The following CPM variants were observed in gnomAD, a reference collection of about 807,000 sequenced individuals.
CPM encodes the protein carboxypeptidase M, also known as renal carboxypeptidase.
CPM carries 35 observed loss-of-function variants against 46.4 expected under a neutral mutation model. The ratio of observed to expected loss-of-function variants is 0.75; its 90% CI spans 0.58 to 1.00. CPM has a LOEUF of 1.00. CPM is among the 50% of genes least tolerant of loss of function. CPM has a pLI of 0.00. For synonymous variants in CPM, 195 were observed against 195.3 expected, an observed-to-expected ratio of 1.00 and a Z score of 0.01; for missense variants, 422 against 530.4, an observed-to-expected ratio of 0.80 and a Z score of 2.01.
chr12:68,900,761 A>G (rs1442758649), intron 2 of CPM, among the ~76,000 whole-genome samples: 1 of 152,212 alleles, frequency 6.6e-6, no homozygotes, highest in Non-Finnish European at 1.5e-5. Context: ...TTACTAAGTA[A>G]AAGAAGCCAA....
chr12:68,963,198 A>G (rs1315451876), exon 1 of CPM: 2 of 180,406 alleles, frequency 1.1e-5, no homozygotes, highest in East Asian at 1.6e-4. Context: ...TAAGACCCCC[A>G]TTCCAGAAAG....
intron 1 of CPM, among the ~76,000 whole-genome samples, chr12:68,939,000 T>TA (rs1484626232): frequency 6.8e-6 from 1 of 147,694 alleles, no homozygotes; most frequent in Non-Finnish European, 1.5e-5. Flanking sequence ...TATATAAATA[T>TA]ATCTGTAAGT....
intron 3 of CPM, among the ~76,000 whole-genome samples, chr12:68,882,548 T>C (rs370335799): frequency 1.8e-4 from 28 of 152,324 alleles, no homozygotes; most frequent in African/African-American, 6.5e-4. Context: ...TGTGTCTTTA[T>C]GGCAGACCAA....
chr12:68,912,345 T>C (rs1273309604), intron 2 of CPM, among the ~76,000 whole-genome samples: 1 of 152,198 alleles, frequency 6.6e-6, no homozygotes, highest in Non-Finnish European at 1.5e-5. Flanking sequence ...TTTGTGAGTA[T>C]GGGCATAAAT....
chr12:68,923,884 A>G (rs1248957493), intron 2 of CPM, among the ~76,000 whole-genome samples: 6 of 152,110 alleles, frequency 3.9e-5, no homozygotes, highest in Non-Finnish European at 7.3e-5. Context: ...CAATTTACAT[A>G]TAGTGGCATC....
At position 68,859,217 on chromosome 12, in the gene CPM, T is replaced by G. The variant is rs1885107155; in HGVS notation, c.941-146A>C. On this transcript the variant is annotated intron_variant, in intron 7 of 8. Coordinates refer to ENST00000551568, the MANE Select transcript of CPM (RefSeq NM_198320.5). ...ATTAAGTGTTAGAGAGGGAAAAAAC[T>G]TATTTTTGATGTAACTTAAAATACA... 3 of 423,760 alleles carry G rather than the reference T, an allele frequency of 7.1e-6. No individual in the cohort carries two copies. The South Asian group carries it at 3.1e-4, about 44-fold the overall frequency. The allele number at this position is 423,760 out of a possible 1,614,324, so 26.2% of individuals were successfully genotyped here.
At chr12:68,885,704 G>T (rs373609958) in intron 3 of CPM, 88 bp downstream of exon 3, 6 of 1,073,464 alleles carry the variant, frequency 5.6e-6, no homozygotes, top group Middle Eastern at 2.1e-4. Flanking sequence ...ACTTCTCCAG[G>T]CTTCCTCGGT....
At chr12:68,886,304 G>A (rs769168095) in intron 2 of CPM, among the ~76,000 whole-genome samples, 26 of 128,216 alleles carry the variant, frequency 2.0e-4, no homozygotes, top group African/African-American at 6.0e-4. Flanking sequence ...GTCATAACTC[G>A]CAGTACAAGG....
At chr12:68,845,969 C>T (rs925943917) in intron 5 of CPM, 1 of 151,580 alleles carries the variant, frequency 6.6e-6, no homozygotes, top group African/African-American at 2.4e-5. Context: ...TGCCACCCGC[C>T]CTGAGACAGA....
intron 3 of CPM, among the ~76,000 whole-genome samples, chr12:68,881,206 C>T (rs1330182860): frequency 1.3e-5 from 2 of 152,156 alleles, no homozygotes; most frequent in Non-Finnish European, 2.9e-5. Context: ...ACATTAAATT[C>T]AACAAACCTT....
intron 1 of CPM, among the ~76,000 whole-genome samples, chr12:68,941,170 CGTGTGTGTGTGT>C (rs370705580): frequency 1.4e-5 from 2 of 140,602 alleles, no homozygotes; most frequent in East Asian, 2.1e-4. Flanking sequence ...GTGCTGAGTA[CGTGTGTGTGTGT>C]GTGTGTGTGT....
intron 1 of CPM, among the ~76,000 whole-genome samples, chr12:68,950,707 G>A (rs908906299): frequency 2.0e-5 from 3 of 152,204 alleles, no homozygotes; most frequent in Admixed American, 1.3e-4. Context: ...TGCTCCTTCA[G>A]CTTCCGCGAC....
intron 1 of CPM, among the ~76,000 whole-genome samples, chr12:68,946,867 C>T (rs1467901387): frequency 6.6e-6 from 1 of 152,144 alleles, no homozygotes; most frequent in African/African-American, 2.4e-5. Context: ...GTGTATTTTA[C>T]TCAGTTGTTA....
Position 68,858,944 on chromosome 12 carries a change from C to T in CPM, c.1068G>A (p.Leu356=). The change falls in exon 8 of 9, where the codon TTG becomes TTA. Residue 356 remains leucine (L), a synonymous_variant. Coordinates refer to ENST00000551568, the MANE Select transcript of CPM (RefSeq NM_198320.5). ...NKYGEYYLLL[L]PGSYIINVTV... ...TTACATTTATTATATAAGACCCAGG[C>T]AAGAGAAGGAGATAATACTCTCCAT... The T allele has an allele frequency of 1.3e-6, 2 of 1,504,652 alleles. No homozygotes were observed. Among genetic ancestry groups the T allele is most frequent in the South Asian group, 1.4e-5 (1 of 70,566 alleles). 93.2% of individuals were successfully genotyped at this position (1,504,652 alleles called of 1,614,324 possible). A position where few individuals can be genotyped will look rare whatever the true frequency, so the allele number is the denominator to read the frequency against.
chr12:68,905,634 TA>T (rs148208896), intron 2 of CPM, among the ~76,000 whole-genome samples: 1 of 151,860 alleles, frequency 6.6e-6, no homozygotes, highest in Non-Finnish European at 1.5e-5. Flanking sequence ...TTTTGTGCAT[TA>T]AAAAAAATCA....
intron 3 of CPM, among the ~76,000 whole-genome samples, chr12:68,872,398 G>A (rs11837874): frequency 0.11 from 17,189 of 151,704 alleles, 2,023 homozygotes; most frequent in African/African-American, 0.29. Flanking sequence ...GATTACAGGC[G>A]TGTGCCACCA....
rs139167673 is a variant in CPM at position 68,942,037 on chromosome 12, T to G, written c.-3-9197A>C. On this transcript the variant is annotated intron_variant, in intron 1 of 8. Coordinates refer to the CPM transcript ENST00000546373. The stretch of plus-strand genomic sequence containing the variant: ...CAGTGGGACTCAGAGATTGAAAGAA[T>G]ATGTCTCAACTCAAGCATTCTCTGT... Among the ~76,000 whole-genome samples, 775 of 152,328 alleles carry G rather than the reference T, an allele frequency of 5.1e-3. 8 individuals carry two copies. The highest frequency in any genetic ancestry group is 0.017 in the African/African-American group (710 of 41,580).
intron 1 of CPM, among the ~76,000 whole-genome samples, chr12:68,959,039 C>A (rs1174610931): frequency 6.6e-6 from 1 of 152,134 alleles, no homozygotes; most frequent in Admixed American, 6.5e-5. Flanking sequence ...CCAGTTCCTG[C>A]ACCCCAGCTG....
chr12:68,882,068 T>C (rs1252543526), intron 3 of CPM, among the ~76,000 whole-genome samples: 2 of 143,658 alleles, frequency 1.4e-5, no homozygotes, highest in Non-Finnish European at 3.0e-5. Context: ...TAAAAATAAA[T>C]GTTACAAGTG....
Sources: gnomAD v4.1 joint callset for allele counts (sites outside exome capture counted in the v4.1 genomes callset) on GRCh38, gnomAD v4.1.1 for gene constraint, MANE v1.5 for transcripts, NCBI Gene and HGNC (gene_info 2026-07-23, HGNC 2026-07-21) for gene names.